Variants in CMKLR2 observed in about 807,000 individuals in gnomAD.
CMKLR2 encodes the protein chemerin-like receptor 2.
CMKLR2 carries 18 observed loss-of-function variants against 23.0 expected under a neutral mutation model. That is an observed-to-expected ratio of 0.78 (90% CI 0.54 to 1.16). CMKLR2 has a LOEUF of 1.16. Ranked by LOEUF, CMKLR2 falls within the 50% of genes most tolerant of loss-of-function variation. The probability of loss-of-function intolerance (pLI) is 0.00; values close to 1 mark genes in which losing one functional copy is unlikely to be tolerated. For synonymous variants in CMKLR2, 158 were observed against 158.9 expected (o/e 0.99, Z 0.05); for missense variants, 401 against 412.7 (o/e 0.97, Z 0.25).
chr2:206,202,863 A>G (rs1689151657), intron 1 of CMKLR2, among the ~76,000 whole-genome samples: 1 of 151,902 alleles, frequency 6.6e-6, no homozygotes, highest in Admixed American at 6.6e-5. Flanking sequence ...TCACCCCTCC[A>G]TCCACTGTAC....
At chr2:206,215,229 T>C (rs1315819183), upstream of CMKLR2, among the ~76,000 whole-genome samples, 1 of 152,176 alleles carries the variant, frequency 6.6e-6, no homozygotes, top group Non-Finnish European at 1.5e-5. Context: ...ACCGGATGAA[T>C]AGATGTCGTC....
chr2:206,188,477 A>G (rs1559087606), intron 1 of CMKLR2, among the ~76,000 whole-genome samples: 2 of 152,234 alleles, frequency 1.3e-5, no homozygotes, highest in Non-Finnish European at 2.9e-5. Context: ...TGAAATGAAG[A>G]CTAATAAAGG....
intron 1 of CMKLR2, among the ~76,000 whole-genome samples, 170 bp from the exon 2 acceptor site, chr2:206,177,445 A>G (rs190437754): frequency 6.8e-4 from 103 of 152,178 alleles, no homozygotes; most frequent in Non-Finnish European, 1.1e-3. Context: ...CTGGAGTGCA[A>G]TGGCATGCTT....
chr2:206,211,155 C>A (rs771927878), intron 1 of CMKLR2, among the ~76,000 whole-genome samples: 1 of 152,122 alleles, frequency 6.6e-6, no homozygotes, highest in Non-Finnish European at 1.5e-5. Context: ...ATTAACTCTG[C>A]CTTTATCCCA....
At position 206,178,425 on chromosome 2, in the gene CMKLR2, G is replaced by A. The variant is rs551257058; in HGVS notation, c.-28-1150C>T. On this transcript the variant is annotated intron_variant, in intron 1 of 1. Coordinates refer to ENST00000621141, the MANE Select transcript of CMKLR2 (RefSeq NM_001389445.1). ...AAGGATGTTTTGAGTCCATGTTTATGAAAGCAAACATAGTAATCAGAATTA... is the reference window on the plus strand; with the variant it reads ...AAGGATGTTTTGAGTCCATGTTTATAAAAGCAAACATAGTAATCAGAATTA... 5.7e-4 allele frequency among the ~76,000 whole-genome samples: 87 copies of A among 152,298 alleles called. 1 individual carries two copies. The highest frequency in any genetic ancestry group is 4.1e-3 in the Admixed American group (62 of 15,286).
Position 206,199,593 on chromosome 2 carries a change from A to AT in CMKLR2, c.-29+13713dup, listed in dbSNP as rs371033625. Among the ~76,000 whole-genome samples the AT allele has an allele frequency of 2.1e-3, 297 of 144,358 alleles. 2 individuals carry two copies. The highest frequency in any genetic ancestry group is 2.8e-3 in the Non-Finnish European group (181 of 65,594). The allele number at this position is 144,358 out of a possible 152,430, so 94.7% of individuals were successfully genotyped here. ...TTCTTAGCCTATTTTGTATTACGGC[A>AT]TTTTTTTTTTTTTCCCCCGAAATGG... On this transcript the variant is annotated intron_variant, in intron 1 of 1. Coordinates refer to ENST00000621141, the MANE Select transcript of CMKLR2 (RefSeq NM_001389445.1).
intron 1 of CMKLR2, among the ~76,000 whole-genome samples, chr2:206,207,728 C>CTTTTTATTTT (rs1689383162): frequency 2.3e-5 from 1 of 43,582 alleles, no homozygotes; most frequent in Non-Finnish European, 3.7e-5. Flanking sequence ...ACCTCAGGGC[C>CTTTTTATTTT]TTTTTTTTTT....
chr2:206,204,550 T>G (rs1689240745), intron 1 of CMKLR2, among the ~76,000 whole-genome samples: 1 of 151,822 alleles, frequency 6.6e-6, no homozygotes, highest in Admixed American at 6.6e-5. Flanking sequence ...TCCGTTTTTG[T>G]TTTTTGTTTT....
chr2:206,186,173 G>A (rs1319445744), intron 1 of CMKLR2, among the ~76,000 whole-genome samples: 6 of 149,286 alleles, frequency 4.0e-5, no homozygotes, highest in Admixed American at 6.7e-5. Flanking sequence ...GTGCAGTGGC[G>A]CAATCTTGGC....
intron 1 of CMKLR2, among the ~76,000 whole-genome samples, chr2:206,179,081 TTTTTTTTTTTTG>T (rs1688324562): frequency 3.2e-5 from 4 of 123,672 alleles, no homozygotes; most frequent in African/African-American, 6.0e-5. Context: ...TTTTTTTTTT[TTTTTTTTTTTTG>T]AGACAGAATT....
chr2:206,200,623 C>CT (rs1689063793), intron 1 of CMKLR2, among the ~76,000 whole-genome samples: 1 of 152,194 alleles, frequency 6.6e-6, no homozygotes, highest in South Asian at 2.1e-4. Context: ...AACACAAGCA[C>CT]TTTTCCTTTT....
At chr2:206,187,274 G>A (rs932550608) in intron 1 of CMKLR2, among the ~76,000 whole-genome samples, 2 of 152,052 alleles carry the variant, frequency 1.3e-5, no homozygotes, top group African/African-American at 4.8e-5. Context: ...AACAGAATGA[G>A]ACTCCATCTC....
At chr2:206,201,602 C>A (rs1689098812) in intron 1 of CMKLR2, among the ~76,000 whole-genome samples, 1 of 152,004 alleles carries the variant, frequency 6.6e-6, no homozygotes, top group Admixed American at 6.6e-5. Flanking sequence ...CCAAACACAA[C>A]CTTTCTCCTT....
chr2:206,182,254 A>G (rs972324072), intron 1 of CMKLR2, among the ~76,000 whole-genome samples: 2 of 152,166 alleles, frequency 1.3e-5, no homozygotes, highest in East Asian at 1.9e-4. Context: ...TAACTTACTC[A>G]AGATCACACA....
intron 1 of CMKLR2, among the ~76,000 whole-genome samples, chr2:206,179,057 T>C (rs1261027932): frequency 4.2e-5 from 1 of 24,002 alleles, no homozygotes; most frequent in East Asian, 7.4e-4. Context: ...CCCTGTCCCT[T>C]TTTTTTTTTT....
intron 1 of CMKLR2, among the ~76,000 whole-genome samples, chr2:206,200,300 G>A (rs1157865129): frequency 6.6e-6 from 1 of 152,168 alleles, no homozygotes; most frequent in East Asian, 1.9e-4. Flanking sequence ...ACACATGCCT[G>A]TAATCCCAGC....
At chr2:206,189,926 T>G (rs1388819013) in intron 1 of CMKLR2, among the ~76,000 whole-genome samples, 2 of 152,180 alleles carry the variant, frequency 1.3e-5, no homozygotes, top group Non-Finnish European at 2.9e-5. Context: ...AGTATTTTGT[T>G]GCCATTCAGA....
At chr2:206,187,655 A>G (rs939066786) in intron 1 of CMKLR2, among the ~76,000 whole-genome samples, 2 of 152,214 alleles carry the variant, frequency 1.3e-5, no homozygotes, top group Non-Finnish European at 2.9e-5. Context: ...GATAAGAAAG[A>G]AAGGACAAAA....
intron 1 of CMKLR2, among the ~76,000 whole-genome samples, chr2:206,198,745 T>C (rs542431201): frequency 2.0e-5 from 3 of 152,322 alleles, no homozygotes; most frequent in South Asian, 4.1e-4. Flanking sequence ...GTGTTTCTGA[T>C]TCGTGAAAGT....
Sources: gnomAD v4.1 joint callset for allele counts (sites outside exome capture counted in the v4.1 genomes callset) on GRCh38, gnomAD v4.1.1 for gene constraint, MANE v1.5 for transcripts, NCBI Gene and HGNC (gene_info 2026-07-23, HGNC 2026-07-21) for gene names.